The following TMEM200A variants were observed in gnomAD, a reference collection of about 807,000 sequenced individuals.
The protein encoded by TMEM200A is transmembrane protein 200A.
In TMEM200A, 12 loss-of-function variants were observed where a neutral mutation model predicts 24.3. The ratio of observed to expected loss-of-function variants is 0.49; its 90% CI spans 0.32 to 0.80. TMEM200A has a LOEUF of 0.80. TMEM200A is among the 30% of genes least tolerant of loss of function. The pLI is 0.04. For synonymous variants in TMEM200A, 224 were observed against 224.4 expected (o/e 1.00, Z 0.02); for missense variants, 545 against 614.4 (o/e 0.89, Z 1.19).
intron 2 of TMEM200A, among the ~76,000 whole-genome samples, chr6:130,389,606 T>G (rs1364563814): frequency 2.0e-5 from 3 of 152,056 alleles, no homozygotes; most frequent in Non-Finnish European, 4.4e-5. Context: ...AATCATTAAT[T>G]TTAGATACAT....
chr6:130,381,016 A>G (rs1023469279), intron 1 of TMEM200A, among the ~76,000 whole-genome samples: 1 of 152,194 alleles, frequency 6.6e-6, no homozygotes, highest in African/African-American at 2.4e-5. Context: ...TTTCAGAAGT[A>G]ATTTTTAAAA....
chr6:130,381,500 G>C (rs1189033664), intron 1 of TMEM200A, among the ~76,000 whole-genome samples: 1 of 152,158 alleles, frequency 6.6e-6, no homozygotes, highest in Non-Finnish European at 1.5e-5. Flanking sequence ...ACTTCCCCTT[G>C]GACACATACA....
chr6:130,416,452 G>A (rs562819008), intron 2 of TMEM200A, among the ~76,000 whole-genome samples: 1 of 152,104 alleles, frequency 6.6e-6, no homozygotes, highest in East Asian at 1.9e-4. Flanking sequence ...CTTTTCATTT[G>A]TTCTTATTAC....
chr6:130,383,378 G>C (rs1458263887), intron 1 of TMEM200A, among the ~76,000 whole-genome samples: 1 of 152,094 alleles, frequency 6.6e-6, no homozygotes, highest in East Asian at 1.9e-4. Flanking sequence ...TTATGACAGG[G>C]GATAATCTGC....
intron 2 of TMEM200A, among the ~76,000 whole-genome samples, chr6:130,424,811 A>T (rs1487077282): frequency 2.6e-5 from 4 of 152,112 alleles, no homozygotes. Flanking sequence ...AGTTGCTGAT[A>T]GAAGGTTATG....
At chr6:130,411,327 A>G (rs528989573) in intron 2 of TMEM200A, among the ~76,000 whole-genome samples, 1 of 152,298 alleles carries the variant, frequency 6.6e-6, no homozygotes, top group South Asian at 2.1e-4. Context: ...AATTACAGAA[A>G]TTTTGCAAGT....
chr6:130,431,848 C>T (rs978722911), intron 2 of TMEM200A, among the ~76,000 whole-genome samples: 2 of 150,294 alleles, frequency 1.3e-5, no homozygotes, highest in South Asian at 2.1e-4. Context: ...AGGGCAGTCT[C>T]GTCTCTATTC....
chr6:130,415,065 G>A (rs550885669), intron 2 of TMEM200A, among the ~76,000 whole-genome samples: 1 of 152,148 alleles, frequency 6.6e-6, no homozygotes, highest in Non-Finnish European at 1.5e-5. Context: ...TTATTGTTTT[G>A]TAGATAATCT....
At chr6:130,427,531 C>A (rs1451387161) in intron 2 of TMEM200A, among the ~76,000 whole-genome samples, 3 of 104,738 alleles carry the variant, frequency 2.9e-5, no homozygotes, top group East Asian at 2.5e-4. Flanking sequence ...TTGGGCAAAT[C>A]TTTTGAAAGA....
chr6:130,404,007 T>C (rs1364012690), intron 2 of TMEM200A, among the ~76,000 whole-genome samples: 1 of 152,210 alleles, frequency 6.6e-6, no homozygotes, highest in East Asian at 1.9e-4. Flanking sequence ...TGTGATCCTA[T>C]TCTTTCTTAT....
intron 2 of TMEM200A, among the ~76,000 whole-genome samples, chr6:130,426,583 C>A (rs1459708874): frequency 6.6e-6 from 1 of 151,646 alleles, no homozygotes; most frequent in African/African-American, 2.4e-5. Flanking sequence ...GAAGCCGTTT[C>A]CATCTGTGAA....
intron 2 of TMEM200A, among the ~76,000 whole-genome samples, chr6:130,436,123 CCTCCCCAT>C (rs1027845254): frequency 1.4e-4 from 21 of 152,086 alleles, no homozygotes; most frequent in Non-Finnish European, 7.4e-5. Context: ...TCTGGAGGCC[CCTCCCCAT>C]CTCAAATGGG....
intron 2 of TMEM200A, among the ~76,000 whole-genome samples, chr6:130,403,242 TAAG>T (rs1251252117): frequency 2.0e-5 from 3 of 152,158 alleles, no homozygotes; most frequent in African/African-American, 4.8e-5. Context: ...AAGATATTCA[TAAG>T]AAGCCATTTT....
At position 130,441,051 on chromosome 6, in the gene TMEM200A, T is replaced by C. The variant is rs757246248; in HGVS notation, c.629T>C (p.Ile210Thr). 10 of 1,613,774 alleles carry C rather than the reference T, an allele frequency of 6.2e-6. No homozygotes were observed. In the African/African-American group the frequency reaches 1.2e-4, roughly 19 times the overall value. The change falls in exon 3 of 3, where the codon ATC (isoleucine) becomes ACC (threonine). Residue 210 changes from isoleucine (I) to threonine (T), a missense_variant. Transcript: ENST00000296978. ...GCCTCGAGATTGGCAGCAAATACGA[T>C]CGCCTCTTTCTCGGGTTTTCGGAGC... ...SCASRLAANTIASFSGFRSSF... is the reference protein window; with the variant it reads ...SCASRLAANTTASFSGFRSSF...
intron 2 of TMEM200A, among the ~76,000 whole-genome samples, chr6:130,397,951 T>G (rs1467150442): frequency 5.3e-5 from 8 of 151,834 alleles, no homozygotes; most frequent in Non-Finnish European, 8.8e-5. Context: ...ATTATTTTTC[T>G]TTATAAACGT....
At chr6:130,374,031 A>ATAAG (rs3029940) in intron 1 of TMEM200A, among the ~76,000 whole-genome samples, 73,647 of 151,820 alleles carry the variant, frequency 0.49, 21,903 homozygotes, top group African/African-American at 0.85. Context: ...AAATTTACTT[A>ATAAG]TGTTTCTGAA....
chr6:130,398,094 T>C (rs910706578), intron 2 of TMEM200A, among the ~76,000 whole-genome samples: 4 of 152,038 alleles, frequency 2.6e-5, no homozygotes, highest in Admixed American at 6.6e-5. Context: ...TAGTACCTGA[T>C]AGGTAGTTTT....
intron 2 of TMEM200A, among the ~76,000 whole-genome samples, chr6:130,404,723 G>A (rs559701116): frequency 2.1e-4 from 32 of 152,080 alleles, no homozygotes; most frequent in African/African-American, 3.4e-4. Flanking sequence ...TGCTTTTGGC[G>A]TCTTTGTCAT....
chr6:130,393,520 C>T lies in TMEM200A; in HGVS notation c.-17+8284C>T, dbSNP rs185224440. Among the ~76,000 whole-genome samples the T allele has an allele frequency of 6.0e-4, 91 of 152,298 alleles. 1 individual carries two copies. Among genetic ancestry groups the T allele is most frequent in the African/African-American group, 2.1e-3 (86 of 41,566 alleles). On this transcript the variant is annotated intron_variant, in intron 2 of 2. Coordinates refer to ENST00000296978, the MANE Select transcript of TMEM200A (RefSeq NM_001258277.2). The stretch of plus-strand genomic sequence containing the variant: ...AGTTTTAAGTCCTCCAGTGTCAACA[C>T]GGCTTCACATGCGAGCCTGAGCAAA...
Sources: allele counts gnomAD v4.1 joint callset (sites outside exome capture counted in the v4.1 genomes callset), GRCh38; gene constraint gnomAD v4.1.1; transcripts MANE v1.5; gene names NCBI Gene and HGNC (gene_info 2026-07-23, HGNC 2026-07-21).